NUCKS1: variants seen among roughly 807,000 people sequenced by gnomAD.
NUCKS1 encodes nuclear ubiquitous casein and cyclin-dependent kinase substrate 1.
In NUCKS1, 2 loss-of-function variants were observed where a neutral mutation model predicts 33.0. The observed-to-expected ratio is 0.06, with a 90% CI of 0.02 to 0.19. NUCKS1 has a LOEUF of 0.19. NUCKS1 is among the 10% of genes least tolerant of loss of function. NUCKS1 has a pLI of 1.00. For synonymous variants in NUCKS1, 106 were observed against 102.8 expected, an observed-to-expected ratio of 1.03 and a Z score of -0.19; for missense variants, 201 against 293.6, an observed-to-expected ratio of 0.68 and a Z score of 2.31.
intron 1 of NUCKS1, among the ~76,000 whole-genome samples, chr1:205,733,617 T>C (rs1653967232): frequency 6.6e-6 from 1 of 151,606 alleles, no homozygotes; most frequent in South Asian, 2.1e-4. Context: ...AATGTTTAAA[T>C]AATAAATTAA....
chr1:205,730,319 T>A (rs1264096068), intron 1 of NUCKS1, among the ~76,000 whole-genome samples: 2 of 151,938 alleles, frequency 1.3e-5, no homozygotes, highest in African/African-American at 4.8e-5. Context: ...AGTGCTGGGA[T>A]TACAGGCACG....
chr1:205,719,919 C>T (rs936892055), intron 5 of NUCKS1, among the ~76,000 whole-genome samples: 4 of 152,138 alleles, frequency 2.6e-5, no homozygotes, highest in East Asian at 1.9e-4. Context: ...AGATTGAAAA[C>T]AGGAAGGGTA....
At position 205,717,268 on chromosome 1, in the gene NUCKS1, A is replaced by G. The variant is rs767084373; in HGVS notation, c.*1012T>C. On this transcript the variant is annotated 3_prime_UTR_variant, in exon 7 of 7. Coordinates refer to ENST00000367142, the MANE Select transcript of NUCKS1 (RefSeq NM_022731.5). ...ATGTCAATTCTATTTCATAAAGGAA[A>G]AATCTCAACTCTTTGTGACTGAGTT... The G allele has an allele frequency of 2.0e-6, 2 of 976,760 alleles. No individual in the cohort carries two copies. Among genetic ancestry groups the G allele is most frequent in the Non-Finnish European group, 2.4e-6 (2 of 820,188 alleles). 60.5% of individuals were successfully genotyped at this position (976,760 alleles called of 1,614,324 possible).
At chr1:205,735,664 A>G (rs1654016036) in intron 1 of NUCKS1, among the ~76,000 whole-genome samples, 2 of 152,230 alleles carry the variant, frequency 1.3e-5, no homozygotes, top group Admixed American at 1.3e-4. Flanking sequence ...AAACAGGAAT[A>G]ACAATACCTG....
chr1:205,740,452 T>A (rs1488091775), intron 1 of NUCKS1, among the ~76,000 whole-genome samples: 1 of 151,840 alleles, frequency 6.6e-6, no homozygotes, highest in Non-Finnish European at 1.5e-5. Context: ...ATAACCTGTC[T>A]CTTCTAAAAA....
rs1193565327 is a variant in NUCKS1, at chr1:205,723,917, G to GT, written c.229+8dup. 1 of 1,576,812 alleles carries GT rather than the reference G, an allele frequency of 6.3e-7. No homozygotes were observed. Among genetic ancestry groups the GT allele is most frequent in the East Asian group, 2.2e-5 (1 of 44,586 alleles). ...AATTATACCTCTTACATTTAAAATA[G>GT]TTTACTACCTGCTGAGTGAGAATCA... On this transcript the variant is annotated intron_variant, in intron 4 of 6. Coordinates refer to ENST00000367142, the MANE Select transcript of NUCKS1 (RefSeq NM_022731.5).
intron 1 of NUCKS1, among the ~76,000 whole-genome samples, chr1:205,735,260 A>C (rs1654008078): frequency 6.6e-6 from 1 of 152,228 alleles, no homozygotes; most frequent in Non-Finnish European, 1.5e-5. Flanking sequence ...AGATATATAA[A>C]TACCTACCAT....
chr1:205,741,085 G>A (rs981932305), intron 1 of NUCKS1, among the ~76,000 whole-genome samples: 1 of 151,318 alleles, frequency 6.6e-6, no homozygotes, highest in African/African-American at 2.4e-5. Flanking sequence ...GATCACTTGA[G>A]GTCAGGAGAT....
At chr1:205,727,591 T>TA in intron 3 of NUCKS1, 109 bp downstream of exon 3, 1 of 749,838 alleles carries the variant, frequency 1.3e-6, no homozygotes, top group East Asian at 2.6e-5. Context: ...AAGTGGACAG[T>TA]AAGTACTTTT....
chr1:205,718,031 GA>G lies in NUCKS1; in HGVS notation c.*248del. On this transcript the variant is annotated 3_prime_UTR_variant, in exon 7 of 7. Transcript: ENST00000367142. Reference sequence around the variant, plus strand: ...ATTGGGAAAGGGGAGGGCTGGCAAAGAGACCAATAGACAAAAAGGTAACTTA... The same window carrying G: ...ATTGGGAAAGGGGAGGGCTGGCAAAGGACCAATAGACAAAAAGGTAACTTA... 1.8e-6 allele frequency: 2 copies of G among 1,103,220 alleles called. No homozygotes were observed. Among genetic ancestry groups the G allele is most frequent in the Non-Finnish European group, 2.2e-6 (2 of 915,314 alleles). 68.3% of individuals were successfully genotyped at this position (1,103,220 alleles called of 1,614,324 possible).
chr1:205,750,079 T>C lies in NUCKS1; in HGVS notation c.-106A>G. 1 of 978,274 alleles carries C rather than the reference T, an allele frequency of 1.0e-6. No individual in the cohort carries two copies. Among genetic ancestry groups the C allele is most frequent in the South Asian group, 1.4e-5 (1 of 70,126 alleles). 60.6% of individuals were successfully genotyped at this position (978,274 alleles called of 1,614,324 possible). On this transcript the variant is annotated 5_prime_UTR_variant, in exon 1 of 7. Coordinates refer to ENST00000367142, the MANE Select transcript of NUCKS1 (RefSeq NM_022731.5). ...CCCGAACTTCAGCCGATGGGACCGC[T>C]GCTGCCGAACCCCGAGCTGCTGGCT...
In NUCKS1 at chr1:205,712,877, AAC is replaced by A. The variant is rs1205133471; in HGVS notation, c.*5401_*5402del. 6.6e-6 allele frequency: 1 copy of A among 152,234 alleles called. No homozygotes were observed. The highest frequency in any genetic ancestry group is 2.4e-5 in the African/African-American group (1 of 41,456). The allele number at this position is 152,234 out of a possible 1,614,324, so 9.4% of individuals were successfully genotyped here. On this transcript the variant is annotated 3_prime_UTR_variant, in exon 7 of 7. Coordinates refer to ENST00000367142, the MANE Select transcript of NUCKS1 (RefSeq NM_022731.5). Reference sequence around the variant, plus strand: ...ATGATTGTTAAACTTTGCTTTCCACAACACTTCATAACCTTGGATGTAAACAT... The same window carrying A: ...ATGATTGTTAAACTTTGCTTTCCACAACTTCATAACCTTGGATGTAAACAT...
intron 2 of NUCKS1, among the ~76,000 whole-genome samples, chr1:205,728,056 T>C (rs1048057259): frequency 6.6e-5 from 10 of 152,300 alleles, no homozygotes; most frequent in Admixed American, 6.5e-4. Context: ...ACCTCTCTCA[T>C]CATTTTATAC....
At chr1:205,747,741 A>G (rs2102452177) in intron 1 of NUCKS1, among the ~76,000 whole-genome samples, 1 of 152,344 alleles carries the variant, frequency 6.6e-6, no homozygotes, top group South Asian at 2.1e-4. Context: ...GTCAATGTCT[A>G]TCACTTTTTT....
rs1421044860 is a variant in NUCKS1 at position 205,744,630 on chromosome 1, G to GGTTTTTTT, written c.17+5326_17+5327insAAAAAAAC. Among the ~76,000 whole-genome samples, 32 of 87,762 alleles carry GGTTTTTTT rather than the reference G, an allele frequency of 3.6e-4. 1 individual carries two copies. The highest frequency in any genetic ancestry group is 1.3e-3 in the African/African-American group (29 of 22,146). The allele number at this position is 87,762 out of a possible 152,430, so 57.6% of individuals were successfully genotyped here. A position where few individuals can be genotyped will look rare whatever the true frequency, so the allele number is the denominator to read the frequency against. Reference sequence around the variant, plus strand: ...TGTGAAAATTCCTAAGTTCACTAGAGTTTTTTTTTTTTTTTTTTTGAGACG... The same window carrying GGTTTTTTT: ...TGTGAAAATTCCTAAGTTCACTAGAGGTTTTTTTTTTTTTTTTTTTTTTTTTTGAGACG... On this transcript the variant is annotated intron_variant, in intron 1 of 6. Coordinates refer to ENST00000367142, the MANE Select transcript of NUCKS1 (RefSeq NM_022731.5).
At chr1:205,741,315 AAAAAG>A (rs1558055661) in intron 1 of NUCKS1, among the ~76,000 whole-genome samples, 9 of 150,846 alleles carry the variant, frequency 6.0e-5, no homozygotes, top group Admixed American at 3.3e-4. Flanking sequence ...AAAAAAAAAA[AAAAAG>A]AAAAGAAAAG....
chr1:205,718,935 A>C (rs959147597), intron 6 of NUCKS1, among the ~76,000 whole-genome samples: 2 of 152,268 alleles, frequency 1.3e-5, no homozygotes, highest in African/African-American at 4.8e-5. Context: ...GGAAGTGATA[A>C]ACAGAAGTTT....
intron 1 of NUCKS1, among the ~76,000 whole-genome samples, chr1:205,749,739 G>A (rs1444418284): frequency 6.6e-6 from 1 of 151,400 alleles, no homozygotes; most frequent in Non-Finnish European, 1.5e-5. Context: ...GAGCCCTGCA[G>A]CGGCGCGGGG....
chr1:205,723,525 T>G, intron 4 of NUCKS1, among the ~76,000 whole-genome samples: 1 of 152,074 alleles, frequency 6.6e-6, no homozygotes, highest in East Asian at 1.9e-4. Flanking sequence ...CCACCCAGAG[T>G]CCACCACTCC....
Sources: gnomAD v4.1 joint callset for allele counts (sites outside exome capture counted in the v4.1 genomes callset) on GRCh38, gnomAD v4.1.1 for gene constraint, MANE v1.5 for transcripts, NCBI Gene and HGNC (gene_info 2026-07-23, HGNC 2026-07-21) for gene names.